RHOBTB1: variants seen among roughly 807,000 people sequenced by gnomAD.
The protein encoded by RHOBTB1 is Rho related BTB domain containing 1, also known as rho-related BTB domain-containing protein 1.
A neutral mutation model predicts 71.6 loss-of-function variants in RHOBTB1; 40 were observed. That is an observed-to-expected ratio of 0.56 (90% CI 0.43 to 0.73). The LOEUF is 0.73. RHOBTB1 is among the 30% of genes least tolerant of loss of function. RHOBTB1 has a pLI of 0.00. For missense variants in RHOBTB1, 797 were observed against 894.0 expected, an observed-to-expected ratio of 0.89 and a Z score of 1.38; for synonymous variants, 319 against 334.9, an observed-to-expected ratio of 0.95 and a Z score of 0.52.
At chr10:60,932,728 C>T (rs909247177) in intron 2 of RHOBTB1, among the ~76,000 whole-genome samples, 1 of 152,032 alleles carries the variant, frequency 6.6e-6, no homozygotes, top group African/African-American at 2.4e-5. Context: ...CAGAATAACA[C>T]CACTCCTTAA....
downstream of RHOBTB1, among the ~76,000 whole-genome samples, chr10:60,868,554 G>A (rs900386738): frequency 2.0e-5 from 3 of 152,164 alleles, no homozygotes; most frequent in African/African-American, 7.2e-5. Context: ...AAGCAAGCAT[G>A]AAAAAATCTC....
At chr10:60,897,735 C>T (rs1172634901) in intron 4 of RHOBTB1, among the ~76,000 whole-genome samples, 2 of 152,020 alleles carry the variant, frequency 1.3e-5, no homozygotes, top group African/African-American at 4.8e-5. Context: ...GAGATGGAGT[C>T]TTGCTCTGTT....
intron 1 of RHOBTB1, among the ~76,000 whole-genome samples, chr10:60,986,431 A>ATATAT (rs1554860002): frequency 0.091 from 12,220 of 134,164 alleles, 712 homozygotes; most frequent in South Asian, 0.12. Flanking sequence ...ATATATATAT[A>ATATAT]AAATATATAT....
rs757872753 is a variant in RHOBTB1, at chr10:60,925,472, C to T, written c.-10-13920G>A. On this transcript the variant is annotated intron_variant, in intron 2 of 10. Coordinates refer to ENST00000337910, the MANE Select transcript of RHOBTB1 (RefSeq NM_014836.5). ...AGTTTATTGCAATAAATGCCTATAT[C>T]GAAAAAGTAGAAAAACCTCAAATAA... Among the ~76,000 whole-genome samples, 7 of 151,690 alleles carry T rather than the reference C, an allele frequency of 4.6e-5. No homozygotes were observed. The East Asian group carries it at 5.8e-4, about 13-fold the overall frequency.
In RHOBTB1 at chr10:60,886,242, T is replaced by A. The variant is rs879753828; in HGVS notation, c.1457-12A>T. The A allele has an allele frequency of 6.2e-7, 1 of 1,607,950 alleles. No individual in the cohort carries two copies. The highest frequency in any genetic ancestry group is 8.5e-7 in the Non-Finnish European group (1 of 1,174,622). On this transcript the variant is annotated splice_polypyrimidine_tract_variant and intron_variant, in intron 6 of 10. Coordinates refer to ENST00000337910, the MANE Select transcript of RHOBTB1 (RefSeq NM_014836.5). ...TTTAAATGTCACGTCTGCCAAGGGATTGAGGAAACACAACCATGAGCCAAC... is the reference window on the plus strand; with the variant it reads ...TTTAAATGTCACGTCTGCCAAGGGAATGAGGAAACACAACCATGAGCCAAC...
chr10:60,903,279 TTTG>T (rs2082496425), intron 4 of RHOBTB1, among the ~76,000 whole-genome samples: 1 of 152,150 alleles, frequency 6.6e-6, no homozygotes, highest in Admixed American at 6.5e-5. Context: ...CTGCAAATAC[TTTG>T]TTATGTCTGG....
chr10:60,955,326 C>T (rs2085554268), intron 2 of RHOBTB1, among the ~76,000 whole-genome samples: 1 of 152,084 alleles, frequency 6.6e-6, no homozygotes, highest in African/African-American at 2.4e-5. Context: ...CAGGCATGAA[C>T]CACCACACCC....
At chr10:60,878,717 TGTC>T in intron 7 of RHOBTB1, among the ~76,000 whole-genome samples, 1 of 152,226 alleles carries the variant, frequency 6.6e-6, no homozygotes, top group Non-Finnish European at 1.5e-5. Flanking sequence ...ACAGGTGAAC[TGTC>T]CCTTGTAGGA....
chr10:60,904,119 A>AT (rs558499145), intron 4 of RHOBTB1, among the ~76,000 whole-genome samples: 852 of 151,740 alleles, frequency 5.6e-3, no homozygotes, highest in African/African-American at 0.014. Flanking sequence ...AATTTTTTGT[A>AT]TTTTTTTAGT....
intron 2 of RHOBTB1, among the ~76,000 whole-genome samples, chr10:60,917,979 C>A (rs769351017): frequency 6.6e-6 from 1 of 152,160 alleles, no homozygotes; most frequent in Non-Finnish European, 1.5e-5. Context: ...CAAATGTACA[C>A]GCATCCATAC....
intron 2 of RHOBTB1, among the ~76,000 whole-genome samples, chr10:60,925,113 T>G (rs2083793048): frequency 6.6e-6 from 1 of 152,146 alleles, no homozygotes; most frequent in African/African-American, 2.4e-5. Context: ...TCCCTATTGC[T>G]CCTCCTCTGG....
chr10:60,945,589 T>G (rs1169221890), upstream of RHOBTB1, among the ~76,000 whole-genome samples: 4 of 152,182 alleles, frequency 2.6e-5, no homozygotes. Context: ...TGACTTCCAG[T>G]CCAGTGGATA....
chr10:60,982,639 C>T lies in RHOBTB1; in HGVS notation c.-62+3206G>A, dbSNP rs540322212. On this transcript the variant is annotated intron_variant, in intron 2 of 11. Transcript: ENST00000357917. The stretch of plus-strand genomic sequence containing the variant: ...AATCTCCAGTCATTACCAAATGCCT[C>T]CTGATGGGCAAAATTTCCTCCTATT... Among the ~76,000 whole-genome samples the T allele has an allele frequency of 7.9e-5, 12 of 152,226 alleles. No individual in the cohort carries two copies. The South Asian group carries it at 2.3e-3, about 29-fold the overall frequency.
rs377182527 is a variant in RHOBTB1 at position 60,922,626 on chromosome 10, C to T, written c.-10-11074G>A. Reference sequence around the variant, plus strand: ...CCATAATCTGGAGTAATGAGAGCCACACTGACTTGGGACCAAGGTGAAGAG... The same window carrying T: ...CCATAATCTGGAGTAATGAGAGCCATACTGACTTGGGACCAAGGTGAAGAG... On this transcript the variant is annotated intron_variant, in intron 2 of 10. Coordinates refer to ENST00000337910, the MANE Select transcript of RHOBTB1 (RefSeq NM_014836.5). 6.6e-5 allele frequency among the ~76,000 whole-genome samples: 10 copies of T among 152,304 alleles called. No homozygotes were observed. The East Asian group carries it at 1.4e-3, about 21-fold the overall frequency.
At chr10:60,912,800 G>A (rs190654719) in intron 2 of RHOBTB1, 41 of 152,320 alleles carry the variant, frequency 2.7e-4, no homozygotes, top group African/African-American at 9.6e-4. Flanking sequence ...GTAGCAGCTG[G>A]ACAGGAGGCC....
At chr10:60,878,790 G>T (rs543033863) in intron 7 of RHOBTB1, among the ~76,000 whole-genome samples, 2 of 152,302 alleles carry the variant, frequency 1.3e-5, no homozygotes, top group Non-Finnish European at 2.9e-5. Flanking sequence ...GCTGGAGTTC[G>T]CCAGAGAGCC....
At chr10:60,969,185 T>C (rs1371076330) in intron 2 of RHOBTB1, among the ~76,000 whole-genome samples, 1 of 151,936 alleles carries the variant, frequency 6.6e-6, no homozygotes, top group African/African-American at 2.4e-5. Context: ...AGATGTGAGG[T>C]CTCCTATGGA....
At chr10:60,946,554 T>C (rs1298865612), upstream of RHOBTB1, among the ~76,000 whole-genome samples, 3 of 152,202 alleles carry the variant, frequency 2.0e-5, no homozygotes, top group Admixed American at 1.3e-4. Flanking sequence ...GAAGTTAGTT[T>C]TCTGATGTCT....
chr10:60,957,323 T>C (rs572622487), intron 2 of RHOBTB1, among the ~76,000 whole-genome samples: 3 of 152,356 alleles, frequency 2.0e-5, no homozygotes, highest in South Asian at 4.1e-4. Flanking sequence ...TTTGTACATT[T>C]GTTTACAGCA....
Sources: allele counts gnomAD v4.1 joint callset (sites outside exome capture counted in the v4.1 genomes callset), GRCh38; gene constraint gnomAD v4.1.1; transcripts MANE v1.5; gene names NCBI Gene and HGNC (gene_info 2026-07-23, HGNC 2026-07-21).